The following KCND3 variants were observed in gnomAD, a reference collection of about 807,000 sequenced individuals.
The protein encoded by KCND3 is potassium voltage-gated channel subfamily D member 3.
Under a neutral mutation model 51.1 loss-of-function variants are expected in KCND3, and 9 were observed. The ratio of observed to expected loss-of-function variants is 0.18; its 90% confidence interval spans 0.11 to 0.31. KCND3 has a LOEUF of 0.31. Among genes scored for constraint, KCND3 ranks in the 10% least tolerant of loss-of-function variants. The pLI is 1.00. For missense variants in KCND3, 526 were observed against 903.8 expected (o/e 0.58, Z 5.36); for synonymous variants, 349 against 368.0 (o/e 0.95, Z 0.59).
At chr1:111,987,259 C>T (rs897235242) in intron 1 of KCND3, among the ~76,000 whole-genome samples, 1 of 152,190 alleles carries the variant, frequency 6.6e-6, no homozygotes, top group Non-Finnish European at 1.5e-5. Context: ...GACCACCAGT[C>T]CTTTACAAAC....
rs138082823 is a variant in KCND3 at position 111,881,238 on chromosome 1, C to G, written c.1107-94132G>C. ...TCCCCACCTCCATCTTTTTTTAATC[C>G]CAAGCAAGCAATTCGGGATTAACTC... On this transcript the variant is annotated intron_variant, in intron 2 of 7. Transcript: ENST00000302127. Among the ~76,000 whole-genome samples, 584 of 152,252 alleles carry G rather than the reference C, an allele frequency of 3.8e-3. 2 individuals are homozygous for G. Among genetic ancestry groups the G allele is most frequent in the Admixed American group, 6.7e-3 (102 of 15,284 alleles).
intron 2 of KCND3, among the ~76,000 whole-genome samples, chr1:111,818,097 C>T (rs1018868683): frequency 4.6e-5 from 7 of 151,938 alleles, no homozygotes; most frequent in Admixed American, 3.3e-4. Flanking sequence ...AGGCAGCTGT[C>T]TTGCCAGCCA....
chr1:111,809,154 C>T (rs539506661), intron 2 of KCND3, among the ~76,000 whole-genome samples: 1 of 152,216 alleles, frequency 6.6e-6, no homozygotes, highest in East Asian at 1.9e-4. Context: ...CCCTGGGCCG[C>T]TGTTGAAGGT....
chr1:111,976,285 T>C (rs1674620054), intron 2 of KCND3, among the ~76,000 whole-genome samples: 1 of 152,016 alleles, frequency 6.6e-6, no homozygotes, highest in African/African-American at 2.4e-5. Flanking sequence ...TAGCCAAGAG[T>C]TGGAGGCAAA....
intron 2 of KCND3, among the ~76,000 whole-genome samples, chr1:111,962,761 T>C (rs1412519886): frequency 6.6e-6 from 1 of 152,236 alleles, no homozygotes; most frequent in Non-Finnish European, 1.5e-5. Context: ...TTTGTATTTA[T>C]ACCACTGCGC....
intron 2 of KCND3, among the ~76,000 whole-genome samples, chr1:111,899,037 C>A (rs1670259331): frequency 6.6e-6 from 1 of 152,212 alleles, no homozygotes; most frequent in Admixed American, 6.5e-5. Flanking sequence ...CTAGCTGTGG[C>A]AGGAGTACTC....
At chr1:111,963,717 A>G (rs1222436529) in intron 2 of KCND3, among the ~76,000 whole-genome samples, 3 of 152,204 alleles carry the variant, frequency 2.0e-5, no homozygotes, top group Non-Finnish European at 2.9e-5. Context: ...GTCATGAGGG[A>G]CAAAGTCAGA....
At position 111,954,937 on chromosome 1, in the gene KCND3, G is replaced by A. The variant is rs551571661; in HGVS notation, c.1106+26684C>T. ...ACTCACTGCTAATGCCCTCAGTTTTGCCTTTTATGTCAACCTAGATGGAGC... is the reference window on the plus strand; with the variant it reads ...ACTCACTGCTAATGCCCTCAGTTTTACCTTTTATGTCAACCTAGATGGAGC... On this transcript the variant is annotated intron_variant, in intron 2 of 7. Transcript: ENST00000302127. 5.0e-3 allele frequency among the ~76,000 whole-genome samples: 756 copies of A among 152,286 alleles called. 1 individual carries two copies. The highest frequency in any genetic ancestry group is 8.5e-3 in the Non-Finnish European group (581 of 68,022).
intron 2 of KCND3, among the ~76,000 whole-genome samples, chr1:111,880,055 G>A (rs1669233058): frequency 6.6e-6 from 1 of 152,320 alleles, no homozygotes; most frequent in South Asian, 2.1e-4. Context: ...TGTATATGTA[G>A]TGAATGGTTA....
chr1:111,777,723 T>C (rs1032616203), intron 6 of KCND3, among the ~76,000 whole-genome samples: 2 of 152,178 alleles, frequency 1.3e-5, no homozygotes, highest in African/African-American at 4.8e-5. Flanking sequence ...GGTAAGGGTA[T>C]GACAAAAACT....
At chr1:111,962,322 G>T (rs191248320) in intron 2 of KCND3, among the ~76,000 whole-genome samples, 3 of 152,306 alleles carry the variant, frequency 2.0e-5, no homozygotes, top group South Asian at 4.1e-4. Flanking sequence ...GGTCTTCTTT[G>T]AGAGGGTCTG....
intron 2 of KCND3, 47 bp from the exon 3 acceptor site, chr1:111,787,153 G>A: frequency 6.3e-7 from 1 of 1,592,230 alleles, no homozygotes; most frequent in Non-Finnish European, 8.6e-7. Context: ...GGGCCATTTG[G>A]GAAACAAGGC....
chr1:111,858,890 C>T (rs1252764932), intron 2 of KCND3, among the ~76,000 whole-genome samples: 2 of 152,222 alleles, frequency 1.3e-5, no homozygotes. Flanking sequence ...GCCTCAGGGC[C>T]TTTGCACTTA....
intron 2 of KCND3, among the ~76,000 whole-genome samples, chr1:111,866,242 T>C (rs1668559594): frequency 1.4e-5 from 2 of 145,926 alleles, no homozygotes; most frequent in South Asian, 4.3e-4. Context: ...TCTTTTCTTC[T>C]TTCTTTCTTT....
At chr1:111,881,929 CAG>C (rs758576599) in intron 2 of KCND3, among the ~76,000 whole-genome samples, 26 of 152,304 alleles carry the variant, frequency 1.7e-4, no homozygotes, top group South Asian at 6.2e-4. Context: ...GTGCTTGGCT[CAG>C]AGTCACATGG....
intron 2 of KCND3, among the ~76,000 whole-genome samples, chr1:111,894,279 G>T (rs10857912): frequency 6.6e-6 from 1 of 152,020 alleles, no homozygotes; most frequent in Admixed American, 6.5e-5. Flanking sequence ...CTTTGGCTGT[G>T]TTCTATGTTC....
At chr1:111,975,831 G>C (rs1264401552) in intron 2 of KCND3, among the ~76,000 whole-genome samples, 11 of 152,072 alleles carry the variant, frequency 7.2e-5, no homozygotes, top group Admixed American at 7.2e-4. Context: ...CTGCCTGTTG[G>C]ACTTTGCCTG....
intron 2 of KCND3, among the ~76,000 whole-genome samples, chr1:111,912,103 A>G (rs558801274): frequency 5.2e-5 from 8 of 152,396 alleles, no homozygotes; most frequent in Admixed American, 5.2e-4. Context: ...GGCTGGAGAA[A>G]GAACCATCGC....
intron 2 of KCND3, among the ~76,000 whole-genome samples, chr1:111,960,558 C>A (rs1673592399): frequency 6.6e-6 from 1 of 152,210 alleles, no homozygotes; most frequent in Admixed American, 6.5e-5. Flanking sequence ...CTCCAGCTCC[C>A]TCCCCTAGCC....
Sources: allele counts gnomAD v4.1 joint callset (sites outside exome capture counted in the v4.1 genomes callset), GRCh38; gene constraint gnomAD v4.1.1; transcripts MANE v1.5; gene names NCBI Gene and HGNC (gene_info 2026-07-23, HGNC 2026-07-21).